MAPT: variants seen among roughly 807,000 people sequenced by gnomAD.
MAPT encodes the protein microtubule-associated protein tau.
A neutral mutation model predicts 67.9 loss-of-function variants in MAPT; 34 were observed. The observed-to-expected ratio is 0.50, with a 90% CI of 0.38 to 0.67. The LOEUF (loss-of-function observed/expected upper bound fraction) is 0.67. Ranked by LOEUF, MAPT falls within the 30% of genes least tolerant of loss-of-function variation. The pLI is 0.00. For missense variants in MAPT, 881 were observed against 1,115.2 expected (o/e 0.79, Z 2.99); for synonymous variants, 456 against 464.5 (o/e 0.98, Z 0.23).
intron 9 of MAPT, among the ~76,000 whole-genome samples, chr17:46,001,564 G>A (rs1049066411): frequency 2.0e-5 from 3 of 152,210 alleles, no homozygotes; most frequent in Non-Finnish European, 4.4e-5. Flanking sequence ...TTGGGAGGCC[G>A]ATGCTGGAGG....
intron 1 of MAPT, among the ~76,000 whole-genome samples, chr17:45,960,253 C>G (rs1293366337): frequency 6.6e-6 from 1 of 152,268 alleles, no homozygotes; most frequent in Non-Finnish European, 1.5e-5. Context: ...TTTCACGAAG[C>G]AGTGGCATTT....
At chr17:45,986,387 T>G (rs2073541548) in intron 5 of MAPT, among the ~76,000 whole-genome samples, 1 of 151,936 alleles carries the variant, frequency 6.6e-6, no homozygotes, top group South Asian at 2.1e-4. Context: ...GAAATGGAGA[T>G]GGGTTGGTCA....
intron 1 of MAPT, among the ~76,000 whole-genome samples, chr17:45,957,467 G>A (rs62063269): frequency 0.14 from 21,833 of 152,278 alleles, 2,140 homozygotes; most frequent in Non-Finnish European, 0.22. Flanking sequence ...AGAGGCTTGG[G>A]AAATGGCTCT....
At chr17:45,949,349 G>T (rs978898716) in intron 1 of MAPT, among the ~76,000 whole-genome samples, 1 of 152,220 alleles carries the variant, frequency 6.6e-6, no homozygotes, top group Admixed American at 6.5e-5. Flanking sequence ...ATGCGCCCGC[G>T]GTGTAGGAGA....
chr17:45,958,798 C>A (rs1358581257), intron 1 of MAPT, among the ~76,000 whole-genome samples: 1 of 151,992 alleles, frequency 6.6e-6, no homozygotes, highest in Non-Finnish European at 1.5e-5. Context: ...CGCAGTGGCT[C>A]ACACCTTTAA....
intron 1 of MAPT, among the ~76,000 whole-genome samples, chr17:45,931,226 C>G (rs2066822782): frequency 6.6e-6 from 1 of 152,110 alleles, no homozygotes; most frequent in Non-Finnish European, 1.5e-5. Flanking sequence ...ATTTGACACC[C>G]AGCGCTGACC....
At chr17:46,020,202 A>G (rs1020235602) in intron 12 of MAPT, among the ~76,000 whole-genome samples, 5 of 152,106 alleles carry the variant, frequency 3.3e-5, no homozygotes, top group Admixed American at 3.3e-4. Context: ...GATTTCAGCA[A>G]AGCCTCTGCC....
At chr17:45,959,110 T>TA (rs1027252124) in intron 1 of MAPT, among the ~76,000 whole-genome samples, 2 of 152,126 alleles carry the variant, frequency 1.3e-5, no homozygotes, top group Non-Finnish European at 2.9e-5. Context: ...GGATATCATT[T>TA]AAAAAAACAT....
chr17:45,909,279 G>A (rs183908549), intron 1 of MAPT, among the ~76,000 whole-genome samples: 74 of 152,228 alleles, frequency 4.9e-4, no homozygotes, highest in African/African-American at 1.7e-3. Flanking sequence ...CCCATGTCAC[G>A]GGGACTCCAC....
At position 45,971,736 on chromosome 17, in the gene MAPT, C is replaced by T. The variant is rs2071696910; in HGVS notation, c.134-123C>T. ...TGTGGGTTTGTTGCGAGGCCGTGTT[C>T]CAGCTGTTTCCACAGGGAGCGATTT... is the stretch of plus-strand genomic sequence containing the variant. On this transcript the variant is annotated intron_variant, in intron 2 of 12. Coordinates refer to ENST00000262410, the MANE Select transcript of MAPT (RefSeq NM_001377265.1). The surrounding 1 kb of genome is among the most constrained non-coding windows in gnomAD (Gnocchi z 4.3). The T allele has an allele frequency of 1.3e-6, 1 of 753,498 alleles. No individual in the cohort carries two copies. The highest frequency in any genetic ancestry group is 1.7e-5 in the African/African-American group (1 of 58,130). The allele number at this position is 753,498 out of a possible 1,614,324, so 46.7% of individuals were successfully genotyped here.
intron 1 of MAPT, among the ~76,000 whole-genome samples, chr17:45,939,758 G>A (rs62061727): frequency 6.6e-6 from 1 of 152,076 alleles, no homozygotes; most frequent in African/African-American, 2.4e-5. Context: ...AAGTCACAGA[G>A]CAGGAACAGC....
Position 45,943,002 on chromosome 17 carries a change from G to C in MAPT, c.-17-19319G>C, listed in dbSNP as rs1036218280. On this transcript the variant is annotated intron_variant, in intron 1 of 12. Transcript: ENST00000262410. Reference sequence around the variant, plus strand: ...TGCCGCCATGCAGAAGTGTCTGGGGGCACTTTGTCTCTGTCAGACAGAATT... The same window carrying C: ...TGCCGCCATGCAGAAGTGTCTGGGGCCACTTTGTCTCTGTCAGACAGAATT... Among the ~76,000 whole-genome samples, 21 of 152,308 alleles carry C rather than the reference G, an allele frequency of 1.4e-4. No individual in the cohort carries two copies. In the Middle Eastern group the frequency reaches 0.014, roughly 99 times the overall value.
chr17:45,965,881 G>A (rs1006778363), intron 2 of MAPT, among the ~76,000 whole-genome samples: 4 of 152,218 alleles, frequency 2.6e-5, no homozygotes, highest in Admixed American at 6.5e-5. Flanking sequence ...ACAACAGCCC[G>A]TGAGGGTGGA....
chr17:45,946,399 C>T (rs2068479548), intron 1 of MAPT, among the ~76,000 whole-genome samples: 2 of 151,632 alleles, frequency 1.3e-5, no homozygotes, highest in South Asian at 2.1e-4. Flanking sequence ...GTCAGGAGTT[C>T]GAGATCAACC....
rs962736147 is a variant in MAPT, at chr17:46,026,920, G to A, written c.*2749G>A. On this transcript the variant is annotated 3_prime_UTR_variant, in exon 13 of 13. Transcript: ENST00000262410. ...GGCAACCCTGAGGGACTTGGCAGTA[G>A]AAATCCAGGGCCTCCCCTGGGGCTG... 2 of 152,220 alleles carry A rather than the reference G, an allele frequency of 1.3e-5. No homozygotes were observed. Among genetic ancestry groups the A allele is most frequent in the Non-Finnish European group, 2.9e-5 (2 of 68,064 alleles). The allele number at this position is 152,220 out of a possible 1,614,324, so 9.4% of individuals were successfully genotyped here. A position where few individuals can be genotyped will look rare whatever the true frequency, so the allele number is the denominator to read the frequency against.
chr17:45,920,816 G>A (rs1324973229), intron 1 of MAPT, among the ~76,000 whole-genome samples: 1 of 152,190 alleles, frequency 6.6e-6, no homozygotes, highest in Non-Finnish European at 1.5e-5. Context: ...GCCCAGGAAG[G>A]ATAGCAGCAG....
At position 45,974,147 on chromosome 17, in the gene MAPT, G is replaced by A. The variant is rs112165071; in HGVS notation, c.220+2202G>A. On this transcript the variant is annotated intron_variant, in intron 3 of 12. Coordinates refer to ENST00000262410, the MANE Select transcript of MAPT (RefSeq NM_001377265.1). ...TGCAGCGTTTACACAGGGCTGCCGG[G>A]CTTTCCTGGTGGATGAGCTGGGCGG... is the stretch of plus-strand genomic sequence containing the variant. The A allele has an allele frequency of 5.6e-3, 3,196 of 575,468 alleles. 61 individuals are homozygous for A. Among genetic ancestry groups the A allele is most frequent in the African/African-American group, 0.043 (2,293 of 53,532 alleles). 35.6% of individuals were successfully genotyped at this position (575,468 alleles called of 1,614,324 possible). A position where few individuals can be genotyped will look rare whatever the true frequency, so the allele number is the denominator to read the frequency against.
chr17:45,912,953 G>T (rs1174430625), intron 1 of MAPT, among the ~76,000 whole-genome samples: 1 of 152,218 alleles, frequency 6.6e-6, no homozygotes, highest in Non-Finnish European at 1.5e-5. Context: ...AGAGAGGGCA[G>T]TCAGACAGTT....
chr17:45,988,008 C>G (rs995378764), intron 6 of MAPT, among the ~76,000 whole-genome samples: 1 of 152,172 alleles, frequency 6.6e-6, no homozygotes, highest in African/African-American at 2.4e-5. Context: ...CTGGAGTTGC[C>G]CAGAGTCTAG....
Sources: gnomAD v4.1 joint callset for allele counts (sites outside exome capture counted in the v4.1 genomes callset) on GRCh38, gnomAD v4.1.1 for gene constraint, Gnocchi (gnomAD v3.1) non-coding constraint, MANE v1.5 for transcripts, NCBI Gene and HGNC (gene_info 2026-07-23, HGNC 2026-07-21) for gene names.